Variants in RARB observed in about 807,000 individuals in gnomAD.
The protein encoded by RARB is retinoic acid receptor beta.
RARB carries 17 observed loss-of-function variants against 51.9 expected under a neutral mutation model. The observed-to-expected ratio is 0.33, with a 90% CI of 0.22 to 0.49. RARB has a LOEUF of 0.49. Among genes scored for constraint, RARB ranks in the 20% least tolerant of loss-of-function variants. The pLI is 0.99. For synonymous variants in RARB, 215 were observed against 195.4 expected (o/e 1.10, Z -0.84); for missense variants, 369 against 550.8 (o/e 0.67, Z 3.30).
rs148575979 is a variant in RARB at position 25,284,656 on chromosome 3, C to G, written c.178+110081C>G. Among the ~76,000 whole-genome samples, 1,148 of 152,134 alleles carry G rather than the reference C, an allele frequency of 7.5e-3. 16 individuals are homozygous for G. The highest frequency in any genetic ancestry group is 0.023 in the African/African-American group (958 of 41,512). On this transcript the variant is annotated intron_variant, in intron 5 of 11. Coordinates refer to the RARB transcript ENST00000383772. ...GGTAGGGAAAGTTCTCAAGATAAAA[C>G]CATTTGGATGTGCACTCAGGATTAA...
At chr3:25,080,011 ATG>A (rs1194674188) in intron 3 of RARB, among the ~76,000 whole-genome samples, 1 of 152,190 alleles carries the variant, frequency 6.6e-6, no homozygotes, top group Non-Finnish European at 1.5e-5. Flanking sequence ...TGATTAAACA[ATG>A]TTGTACAACC....
chr3:25,428,716 C>G lies in RARB; in HGVS notation c.-16C>G, dbSNP rs1708080433. The G allele has an allele frequency of 6.3e-7, 1 of 1,594,702 alleles. No individual in the cohort carries two copies. Among genetic ancestry groups the G allele is most frequent in the Non-Finnish European group, 8.6e-7 (1 of 1,165,658 alleles). On this transcript the variant is annotated 5_prime_UTR_variant, in exon 1 of 8. Transcript: ENST00000330688. ...GAGGATAAGCACTTTTGCAGACATTCAGTGCAAGGGAGATCATGTTTGACT... is the reference window on the plus strand; with the variant it reads ...GAGGATAAGCACTTTTGCAGACATTGAGTGCAAGGGAGATCATGTTTGACT...
intron 2 of RARB, among the ~76,000 whole-genome samples, chr3:24,996,036 A>T (rs745548048): frequency 6.6e-6 from 1 of 152,052 alleles, no homozygotes; most frequent in East Asian, 1.9e-4. Context: ...AGAATCTGTT[A>T]TTAATTGTTC....
At chr3:24,864,946 G>C (rs1476676964) in intron 2 of RARB, among the ~76,000 whole-genome samples, 7 of 152,100 alleles carry the variant, frequency 4.6e-5, no homozygotes, top group African/African-American at 1.7e-4. Context: ...ACTGTACTTT[G>C]AAAAGACTCT....
intron 5 of RARB, among the ~76,000 whole-genome samples, chr3:25,340,723 G>T (rs771988979): frequency 1.3e-5 from 2 of 152,186 alleles, no homozygotes; most frequent in African/African-American, 4.8e-5. Flanking sequence ...TTAGGGGGAA[G>T]CTCTGTCTGG....
At chr3:25,016,598 T>A (rs186751207) in intron 2 of RARB, among the ~76,000 whole-genome samples, 9 of 152,298 alleles carry the variant, frequency 5.9e-5, no homozygotes, top group Admixed American at 3.9e-4. Flanking sequence ...GTACGGTGGA[T>A]ACAATCATCT....
chr3:25,551,242 C>T (rs1443851122), intron 3 of RARB, among the ~76,000 whole-genome samples: 1 of 152,174 alleles, frequency 6.6e-6, no homozygotes, highest in Non-Finnish European at 1.5e-5. Context: ...AGTAAGGAGT[C>T]ATCTGTGGAA....
At chr3:25,230,123 T>C (rs549913870) in intron 5 of RARB, among the ~76,000 whole-genome samples, 3 of 152,290 alleles carry the variant, frequency 2.0e-5, no homozygotes, top group South Asian at 4.1e-4. Flanking sequence ...TTCCCTCTTC[T>C]GTCTTCTCTG....
At chr3:24,873,993 A>G (rs766526090) in intron 2 of RARB, among the ~76,000 whole-genome samples, 1 of 152,108 alleles carries the variant, frequency 6.6e-6, no homozygotes, top group Non-Finnish European at 1.5e-5. Context: ...TGATAAAAAT[A>G]TAGTATAACA....
At chr3:25,201,477 A>C (rs1250467664) in intron 5 of RARB, among the ~76,000 whole-genome samples, 1 of 152,028 alleles carries the variant, frequency 6.6e-6, no homozygotes, top group Non-Finnish European at 1.5e-5. Context: ...GTTGCATAGG[A>C]GTGGTGAAAG....
intron 5 of RARB, among the ~76,000 whole-genome samples, chr3:25,192,329 T>C (rs1701122842): frequency 6.6e-6 from 1 of 152,252 alleles, no homozygotes; most frequent in Admixed American, 6.5e-5. Flanking sequence ...GATCGTGTAA[T>C]TGTTTTAAAA....
chr3:24,964,448 C>T (rs188331981), intron 2 of RARB, among the ~76,000 whole-genome samples: 1 of 152,228 alleles, frequency 6.6e-6, no homozygotes, highest in Admixed American at 6.5e-5. Flanking sequence ...TTTTCAAGAC[C>T]TGGTTGCCTA....
intron 5 of RARB, among the ~76,000 whole-genome samples, chr3:25,200,861 G>C (rs1210484897): frequency 2.6e-5 from 4 of 152,168 alleles, no homozygotes; most frequent in Admixed American, 2.6e-4. Context: ...AGTATAGTTT[G>C]AAGTCAGGTA....
In RARB at chr3:25,471,021, G is replaced by A. The variant is rs150464206; in HGVS notation, c.306+9680G>A. 1.2e-3 allele frequency among the ~76,000 whole-genome samples: 181 copies of A among 152,098 alleles called. 4 individuals carry two copies. The highest frequency in any genetic ancestry group is 3.8e-4 in the Non-Finnish European group (26 of 68,000). ...AGTAATTAGTGTAGTTATAAATAAC[G>A]CATAATAAGATATAATTGTATAATA... is the stretch of plus-strand genomic sequence containing the variant. On this transcript the variant is annotated intron_variant, in intron 2 of 7. Coordinates refer to ENST00000330688, the MANE Select transcript of RARB (RefSeq NM_000965.5).
intron 5 of RARB, among the ~76,000 whole-genome samples, chr3:25,232,345 G>C (rs1314694111): frequency 6.6e-6 from 1 of 152,128 alleles, no homozygotes; most frequent in East Asian, 1.9e-4. Flanking sequence ...GACTCAGCTT[G>C]TTGGCATTTA....
At chr3:25,091,989 C>T (rs1360222386) in intron 3 of RARB, among the ~76,000 whole-genome samples, 1 of 152,096 alleles carries the variant, frequency 6.6e-6, no homozygotes, top group African/African-American at 2.4e-5. Flanking sequence ...AATTAAGAAA[C>T]CAGTTGCAGC....
intron 2 of RARB, among the ~76,000 whole-genome samples, chr3:25,046,742 A>G (rs1035535636): frequency 3.9e-5 from 6 of 152,334 alleles, no homozygotes; most frequent in African/African-American, 1.2e-4. Context: ...GGCATGAACC[A>G]CCACTCCTGG....
intron 3 of RARB, among the ~76,000 whole-genome samples, chr3:25,529,572 T>G (rs1212656708): frequency 6.6e-6 from 1 of 152,192 alleles, no homozygotes; most frequent in Non-Finnish European, 1.5e-5. Context: ...ATGGAGTTAC[T>G]TCTGAAGGAG....
chr3:25,031,228 C>T (rs1416774342), intron 2 of RARB, among the ~76,000 whole-genome samples: 6 of 152,180 alleles, frequency 3.9e-5, no homozygotes, highest in African/African-American at 1.2e-4. Context: ...AAGTGCTTCC[C>T]CTTCCAAACC....
Sources: gnomAD v4.1 joint callset for allele counts (sites outside exome capture counted in the v4.1 genomes callset) on GRCh38, gnomAD v4.1.1 for gene constraint, MANE v1.5 for transcripts, NCBI Gene and HGNC (gene_info 2026-07-23, HGNC 2026-07-21) for gene names.